PRPF38A: variants seen among roughly 807,000 people sequenced by gnomAD.
The protein encoded by PRPF38A is pre-mRNA-splicing factor 38A.
In PRPF38A, 11 loss-of-function variants were observed where a neutral mutation model predicts 46.8. That is an observed-to-expected ratio of 0.24 (90% CI 0.15 to 0.39). The LOEUF (loss-of-function observed/expected upper bound fraction) is 0.39. Ranked by LOEUF, PRPF38A falls within the 10% of genes least tolerant of loss-of-function variation. PRPF38A has a pLI of 1.00. For synonymous variants in PRPF38A, 124 were observed against 136.2 expected (o/e 0.91, Z 0.62); for missense variants, 261 against 407.5 (o/e 0.64, Z 3.10).
At position 52,414,863 on chromosome 1, in the gene PRPF38A, A is replaced by G; in HGVS notation, c.847+4A>G. On this transcript the variant is annotated splice_donor_region_variant and intron_variant, in intron 8 of 9. Transcript: ENST00000257181. ...AGATCCCGTTCCAAGTCCCCAGGTA[A>G]AGCTTGTGGGCCTTTTGCCACAGGT... The G allele has an allele frequency of 6.2e-7, 1 of 1,613,846 alleles. No homozygotes were observed.
rs759181165 is a variant in PRPF38A at position 52,415,365 on chromosome 1, G to A, written c.875G>A (p.Ser292Asn). ...CATCACCGTAGTCACAGACACAGGA[G>A]CCACTCAAAGTCTCCCGAAAGGTAA... ...PGHHRSHRHRSHSKSPERSKK... is the reference protein window; with the variant it reads ...PGHHRSHRHRNHSKSPERSKK... Residue 292 changes from serine (S) to asparagine (N), a missense_variant, in exon 9 of 10, where the codon AGC becomes AAC. By Grantham distance (46) the Ser-to-Asn change is conservative (BLOSUM62 1). Around this residue, in one of 2 missense-constraint regions of PRPF38A, gnomAD observed 180 missense variants for 221.0 expected, o/e 0.81. Coordinates refer to ENST00000257181, the MANE Select transcript of PRPF38A (RefSeq NM_032864.4). 2 of 1,613,894 alleles carry A rather than the reference G, an allele frequency of 1.2e-6. No individual in the cohort carries two copies. Among genetic ancestry groups the A allele is most frequent in the South Asian group, 1.1e-5 (1 of 91,076 alleles).
intron 3 of PRPF38A, among the ~76,000 whole-genome samples, chr1:52,410,557 A>G (rs1424048451): frequency 1.3e-5 from 2 of 149,532 alleles, no homozygotes; most frequent in Admixed American, 1.3e-4. Flanking sequence ...GCTGGAGTGC[A>G]GTGGTGTGGT....
At chr1:52,406,618 A>G (rs1569972912) in intron 2 of PRPF38A, among the ~76,000 whole-genome samples, 1 of 152,220 alleles carries the variant, frequency 6.6e-6, no homozygotes, top group East Asian at 1.9e-4. Flanking sequence ...ATGCATGCAG[A>G]TCTCTGAACA....
At chr1:52,406,050 G>A (rs1647980313) in intron 2 of PRPF38A, among the ~76,000 whole-genome samples, 1 of 152,110 alleles carries the variant, frequency 6.6e-6, no homozygotes, top group South Asian at 2.1e-4. Context: ...GTGCAGTGGT[G>A]CGATCTCGGC....
At chr1:52,406,140 C>T (rs1326303824) in intron 2 of PRPF38A, among the ~76,000 whole-genome samples, 1 of 152,126 alleles carries the variant, frequency 6.6e-6, no homozygotes, top group African/African-American at 2.4e-5. Context: ...AGGCATGTGC[C>T]ATCACGCCTG....
chr1:52,412,609 A>C lies in PRPF38A; in HGVS notation c.594A>C (p.Glu198Asp), dbSNP rs763329790. 1 of 1,611,340 alleles carries C rather than the reference A, an allele frequency of 6.2e-7. No homozygotes were observed. The highest frequency in any genetic ancestry group is 8.5e-7 in the Non-Finnish European group (1 of 1,177,492). Residue 198 changes from glutamate (E) to aspartate (D), a missense_variant, in exon 5 of 10, where the codon GAA becomes GAC. Coordinates refer to ENST00000257181, the MANE Select transcript of PRPF38A (RefSeq NM_032864.4). ...ATGTGGAGTCCAGTGAAGAGGAAGA[A>C]GAGGAGGATGAGAAGGTCTGGCACC... ...MDDVESSEEE[E>D]EEDEKLERVP...
Position 52,418,839 on chromosome 1 carries a change from T to C in PRPF38A, c.*2149T>C, listed in dbSNP as rs954451405. ...ATTTTACATCTTACCTCTGTACACA[T>C]CTGTATTCTGTACTGAGACAAATTT... On this transcript the variant is annotated 3_prime_UTR_variant, in exon 10 of 10. Transcript: ENST00000257181. 3 of 152,266 alleles carry C rather than the reference T, an allele frequency of 2.0e-5. No individual in the cohort carries two copies. Among genetic ancestry groups the C allele is most frequent in the African/African-American group, 7.2e-5 (3 of 41,468 alleles). 9.4% of individuals were successfully genotyped at this position (152,266 alleles called of 1,614,324 possible).
chr1:52,408,294 G>T (rs997163382), intron 2 of PRPF38A: 20 of 545,796 alleles, frequency 3.7e-5, no homozygotes, highest in Non-Finnish European at 6.5e-5. Flanking sequence ...ATCCTGTGAG[G>T]TAAATAGGTT....
At chr1:52,411,014 G>A (rs1648134869) in intron 3 of PRPF38A, 101 bp from the exon 4 acceptor site, 4 of 775,632 alleles carry the variant, frequency 5.2e-6, no homozygotes, top group Non-Finnish European at 8.7e-6. Context: ...AAGAGGCCTA[G>A]CACATAGATG....
intron 1 of PRPF38A, 129 bp downstream of exon 1, chr1:52,405,008 AT>A (rs1351953632): frequency 9.5e-7 from 1 of 1,054,882 alleles, no homozygotes; most frequent in Non-Finnish European, 1.4e-6. Flanking sequence ...ATTCAGAAAA[AT>A]TTTGAGTGCC....
At chr1:52,408,541 T>A (rs1205561076) in intron 2 of PRPF38A, 28 bp from the exon 3 acceptor site, 1 of 1,613,828 alleles carries the variant, frequency 6.2e-7, no homozygotes, top group Non-Finnish European at 8.5e-7. Flanking sequence ...TAGGATGGCC[T>A]GTTGTTTCAC....
At chr1:52,404,962 C>CCT in intron 1 of PRPF38A, 83 bp downstream of exon 1, 2 of 1,517,388 alleles carry the variant, frequency 1.3e-6, no homozygotes, top group Non-Finnish European at 1.8e-6. Flanking sequence ...TAGCGACTGG[C>CCT]CTCTGGGGGT....
Position 52,416,838 on chromosome 1 carries a change from G to A in PRPF38A, c.*148G>A, listed in dbSNP as rs920984839. ...CTCAACCTTTATTTTTAATGAAGGA[G>A]GTGCTGAGTTTTGTATCTTTTTAAT... is the stretch of plus-strand genomic sequence containing the variant. On this transcript the variant is annotated 3_prime_UTR_variant, in exon 10 of 10. Transcript: ENST00000257181. 3.0e-6 allele frequency: 2 copies of A among 670,726 alleles called. No homozygotes were observed. The highest frequency in any genetic ancestry group is 1.7e-5 in the South Asian group (1 of 57,470). 41.5% of individuals were successfully genotyped at this position (670,726 alleles called of 1,614,324 possible).
chr1:52,408,890 C>T, intron 3 of PRPF38A, 200 bp downstream of exon 3: 1 of 513,004 alleles, frequency 1.9e-6, no homozygotes, highest in Non-Finnish European at 3.4e-6. Context: ...ACCCAGCCTG[C>T]CTCTGTCTGT....
At position 52,419,096 on chromosome 1, in the gene PRPF38A, C is replaced by G. The variant is rs1648370812; in HGVS notation, c.*2406C>G. On this transcript the variant is annotated 3_prime_UTR_variant, in exon 10 of 10. Transcript: ENST00000257181. ...TTTGGCCAGGTGCGGTGGCTCACGC[C>G]TGTAATCCCAGCACTTTGGGAGGCC... 2.6e-5 allele frequency: 4 copies of G among 152,298 alleles called. No homozygotes were observed. In the South Asian group the frequency reaches 8.3e-4, roughly 32 times the overall value. 9.4% of individuals were successfully genotyped at this position (152,298 alleles called of 1,614,324 possible). A position where few individuals can be genotyped will look rare whatever the true frequency, so the allele number is the denominator to read the frequency against.
chr1:52,405,756 C>T lies in PRPF38A; in HGVS notation c.207C>T (p.Pro69=). ...ATGGTGGCAACATAAAACCAACACC[C>T]TTTCTGTGTTTAACCTTGAAGATGC... ...GVYGGNIKPT[P]FLCLTLKMLQ... Residue 69 remains proline (P), a synonymous_variant, in exon 2 of 10, where the codon CCC becomes CCT. Transcript: ENST00000257181. The T allele has an allele frequency of 6.2e-7, 1 of 1,614,028 alleles. No individual in the cohort carries two copies. Among genetic ancestry groups the T allele is most frequent in the African/African-American group, 1.3e-5 (1 of 75,034 alleles).
At chr1:52,405,452 T>G (rs1197689607) in intron 1 of PRPF38A, among the ~76,000 whole-genome samples, 1 of 152,250 alleles carries the variant, frequency 6.6e-6, no homozygotes, top group African/African-American at 2.4e-5. Context: ...TCTTCATGAC[T>G]TGTTAAAAAA....
chr1:52,415,360 C>A lies in PRPF38A; in HGVS notation c.870C>A (p.His290Gln), dbSNP rs748602675. 6.2e-7 allele frequency: 1 copy of A among 1,613,912 alleles called. No individual in the cohort carries two copies. Among genetic ancestry groups the A allele is most frequent in the East Asian group, 2.2e-5 (1 of 44,874 alleles). The change falls in exon 9 of 10, where the codon CAC becomes CAA. Residue 290 changes from histidine (H) to glutamine (Q), a missense_variant. His to Gln is a conservative substitution (Grantham distance 24). Transcript: ENST00000257181. ...KSPGHHRSHR[H>Q]RSHSKSPERS... The stretch of plus-strand genomic sequence containing the variant: ...CAGGTCATCACCGTAGTCACAGACA[C>A]AGGAGCCACTCAAAGTCTCCCGAAA...
At chr1:52,412,238 T>C (rs937165098) in intron 4 of PRPF38A, among the ~76,000 whole-genome samples, 6 of 152,220 alleles carry the variant, frequency 3.9e-5, no homozygotes, top group African/African-American at 1.2e-4. Context: ...GGTTCTAGGC[T>C]GTACCTATAC....
Sources: allele counts gnomAD v4.1 joint callset (sites outside exome capture counted in the v4.1 genomes callset), GRCh38; gene constraint gnomAD v4.1.1; regional missense constraint gnomAD v4.1.1; transcripts MANE v1.5; gene names NCBI Gene and HGNC (gene_info 2026-07-23, HGNC 2026-07-21).